PHEX: variants seen among roughly 807,000 people sequenced by gnomAD.
The protein encoded by PHEX is phosphate-regulating neutral endopeptidase PHEX.
A neutral mutation model predicts 68.0 loss-of-function variants in PHEX; 16 were observed. The observed-to-expected ratio is 0.24, with a 90% CI of 0.16 to 0.36. PHEX has a LOEUF of 0.36. Ranked by LOEUF, PHEX falls within the 10% of genes least tolerant of loss-of-function variation. The pLI is 1.00. For missense variants in PHEX, 480 were observed against 575.5 expected (o/e 0.83, Z 1.70); for synonymous variants, 208 against 205.1 (o/e 1.01, Z -0.12).
intron 3 of PHEX, among the ~76,000 whole-genome samples, chrX:22,056,763 A>AAAT (rs59624310): frequency 0.32 from 29,413 of 93,148 alleles, 4,268 homozygotes; most frequent in Middle Eastern, 0.44. Flanking sequence ...CTCTGTCTCA[A>AAAT]AATAATAATA....
chrX:22,060,946 G>A (rs1462141387), intron 3 of PHEX, among the ~76,000 whole-genome samples: 1 of 111,908 alleles, frequency 8.9e-6, no homozygotes, highest in Non-Finnish European at 1.9e-5. Flanking sequence ...GAGGATGACT[G>A]TTTGGAAAGG....
chrX:22,175,595 C>T (rs1367733875), intron 13 of PHEX, among the ~76,000 whole-genome samples: 1 of 111,830 alleles, frequency 8.9e-6, no homozygotes, highest in Non-Finnish European at 1.9e-5. Context: ...AAGTTATCTG[C>T]CAGCCTCGGC....
rs1936475348 is a variant in PHEX at position 22,249,031 on chromosome X, A to T, written c.*1078A>T. 2 of 110,580 alleles carry T rather than the reference A, an allele frequency of 1.8e-5. No homozygotes were observed. The highest frequency in any genetic ancestry group is 6.6e-5 in the African/African-American group (2 of 30,380). 9.1% of individuals were successfully genotyped at this position (110,580 alleles called of 1,213,427 possible). The stretch of plus-strand genomic sequence containing the variant: ...TTTAAAAAAAAAACATTTTTGAAAA[A>T]TTTCTTGACTGATGACATTCTAGAA... On this transcript the variant is annotated 3_prime_UTR_variant, in exon 22 of 22. Coordinates refer to ENST00000379374, the MANE Select transcript of PHEX (RefSeq NM_000444.6).
chrX:22,205,503 C>G (rs1461404490), intron 15 of PHEX, among the ~76,000 whole-genome samples: 3 of 111,225 alleles, frequency 2.7e-5, no homozygotes, highest in Non-Finnish European at 5.7e-5. Flanking sequence ...TTTCTGAAGA[C>G]TGGCAGTGAA....
In PHEX at chrX:22,049,530, A is replaced by G. The variant is rs140224241; in HGVS notation, c.349+2319A>G. 7.1e-4 allele frequency among the ~76,000 whole-genome samples: 79 copies of G among 111,949 alleles called. No individual in the cohort carries two copies. The East Asian group carries it at 0.021, about 29-fold the overall frequency. ...AGAAATGGAATTATTGGGTTGAAAGAGTACTCTAAATTTCATTTTTGATGC... is the reference window on the plus strand; with the variant it reads ...AGAAATGGAATTATTGGGTTGAAAGGGTACTCTAAATTTCATTTTTGATGC... On this transcript the variant is annotated intron_variant, in intron 3 of 21. Transcript: ENST00000379374.
chrX:22,189,586 A>G (rs1159550024), intron 14 of PHEX, among the ~76,000 whole-genome samples: 1 of 111,704 alleles, frequency 9.0e-6, no homozygotes. Flanking sequence ...AAAAAAAGAG[A>G]AATAATTGTA....
At chrX:22,127,732 G>C (rs1272931469) in intron 11 of PHEX, among the ~76,000 whole-genome samples, 2 of 110,287 alleles carry the variant, frequency 1.8e-5, no homozygotes, top group Non-Finnish European at 3.8e-5. Flanking sequence ...AACCTGAGGT[G>C]GGGGATGGTG....
intron 12 of PHEX, among the ~76,000 whole-genome samples, chrX:22,135,953 C>T (rs1277529263): frequency 9.0e-6 from 1 of 111,021 alleles, no homozygotes; most frequent in Non-Finnish European, 1.9e-5. Context: ...GTTTCTTTAA[C>T]GAAATGCAAG....
rs2664861 is a variant in PHEX at position 22,036,031 on chromosome X, C to A, written c.119-2438C>A. Among the ~76,000 whole-genome samples the A allele has an allele frequency of 1.2e-3, 99 of 79,731 alleles. 1 individual carries two copies. Among genetic ancestry groups the A allele is most frequent in the African/African-American group, 4.8e-3 (94 of 19,674 alleles). The allele number at this position is 79,731 out of a possible 115,157, so 69.2% of individuals were successfully genotyped here. A position where few individuals can be genotyped will look rare whatever the true frequency, so the allele number is the denominator to read the frequency against. ...ACACACACACACACACACACACACA[C>A]GTACATATATATATATATATATATT... On this transcript the variant is annotated intron_variant, in intron 1 of 21. Coordinates refer to ENST00000379374, the MANE Select transcript of PHEX (RefSeq NM_000444.6).
intron 15 of PHEX, among the ~76,000 whole-genome samples, chrX:22,203,957 T>C (rs1387406541): frequency 6.3e-5 from 7 of 111,490 alleles, no homozygotes; most frequent in African/African-American, 2.3e-4. Flanking sequence ...TCGAATCACC[T>C]GGGGAGCTTT....
Position 22,168,310 on chromosome X carries a change from A to G in PHEX, c.1405-2A>G, listed in dbSNP as rs867371198. On this transcript the variant is annotated splice_acceptor_variant, in intron 12 of 21. Transcript: ENST00000379374. LOFTEE classifies it high-confidence loss of function. ...CATTATTTTTCTTTTTCCTTTTTGTAGGCGAGAGCTGTTTTGGCAAAAGTT... is the reference window on the plus strand; with the variant it reads ...CATTATTTTTCTTTTTCCTTTTTGTGGGCGAGAGCTGTTTTGGCAAAAGTT... 8.5e-7 allele frequency: 1 copy of G among 1,174,594 alleles called. No individual in the cohort carries two copies. The highest frequency in any genetic ancestry group is 1.2e-6 in the Non-Finnish European group (1 of 861,862).
intron 3 of PHEX, among the ~76,000 whole-genome samples, chrX:22,060,471 C>T (rs370251132): frequency 1.8e-5 from 2 of 111,230 alleles, no homozygotes; most frequent in East Asian, 2.8e-4. Context: ...TGAGAGATGA[C>T]AGGAGATAAG....
chrX:22,034,003 C>T (rs1275901649), intron 1 of PHEX, among the ~76,000 whole-genome samples: 3 of 112,001 alleles, frequency 2.7e-5, no homozygotes, highest in South Asian at 3.7e-4. Flanking sequence ...AGGGGTAAAC[C>T]AGTAATTAAA....
At chrX:22,209,796 C>T (rs1429194209) in intron 15 of PHEX, among the ~76,000 whole-genome samples, 2 of 102,047 alleles carry the variant, frequency 2.0e-5, no homozygotes, top group Admixed American at 1.1e-4. Context: ...TCTCTCTCTC[C>T]CTCTCCCTCT....
intron 1 of PHEX, among the ~76,000 whole-genome samples, chrX:22,035,928 A>G (rs1926983244): frequency 9.5e-6 from 1 of 105,703 alleles, no homozygotes; most frequent in Non-Finnish European, 1.9e-5. Flanking sequence ...GAATTTTAAA[A>G]TAACCCCATC....
intron 15 of PHEX, among the ~76,000 whole-genome samples, chrX:22,211,393 A>C (rs534215429): frequency 8.9e-6 from 1 of 112,216 alleles, no homozygotes; most frequent in South Asian, 3.7e-4. Flanking sequence ...AGAAAAATTA[A>C]AGACGTAAGT....
intron 20 of PHEX, among the ~76,000 whole-genome samples, chrX:22,229,670 T>A (rs1187920521): frequency 1.8e-5 from 2 of 112,165 alleles, no homozygotes; most frequent in East Asian, 5.6e-4. Flanking sequence ...ATTGCAAAAA[T>A]TTTCTCCCAT....
At chrX:22,216,509 T>G (rs1210248601) in intron 16 of PHEX, among the ~76,000 whole-genome samples, 1 of 96,240 alleles carries the variant, frequency 1.0e-5, no homozygotes, top group Non-Finnish European at 2.0e-5. Flanking sequence ...ATTTATTTAT[T>G]TATTTATTTA....
intron 1 of PHEX, among the ~76,000 whole-genome samples, chrX:22,036,731 CT>C (rs11291706): frequency 0.22 from 21,046 of 97,169 alleles, 1,925 homozygotes; most frequent in African/African-American, 0.31. Context: ...TTTTACATAA[CT>C]TTTTTTTTTT....
Sources: allele counts gnomAD v4.1 joint callset (sites outside exome capture counted in the v4.1 genomes callset), GRCh38; gene constraint gnomAD v4.1.1; transcripts MANE v1.5; gene names NCBI Gene and HGNC (gene_info 2026-07-23, HGNC 2026-07-21).